UTS2: variants seen among roughly 807,000 people sequenced by gnomAD.
UTS2 encodes urotensin-2.
UTS2 carries 10 observed loss-of-function variants against 12.6 expected under a neutral mutation model. That is an observed-to-expected ratio of 0.80 (90% CI 0.49 to 1.35). The LOEUF (loss-of-function observed/expected upper bound fraction) is 1.35. UTS2 is among the 40% of genes most tolerant of loss of function. The pLI, the probability that UTS2 is intolerant of heterozygous loss-of-function variation, is 0.00. For synonymous variants in UTS2, 52 were observed against 50.0 expected (o/e 1.04, Z -0.17); for missense variants, 142 against 143.2 (o/e 0.99, Z 0.04).
chr1:7,891,522 T>A, the UTS2 span, among the ~76,000 whole-genome samples: 1 of 85,122 alleles, frequency 1.2e-5, no homozygotes, highest in African/African-American at 4.7e-5. Context: ...CCAGACTCGA[T>A]CTAAGAAAGA....
the UTS2 span, among the ~76,000 whole-genome samples, chr1:7,900,898 T>G: frequency 1.3e-5 from 2 of 152,192 alleles, no homozygotes; most frequent in Non-Finnish European, 2.9e-5. Context: ...AACCACTTTC[T>G]TCTATTCTCT....
the UTS2 span, among the ~76,000 whole-genome samples, chr1:7,895,574 T>C: frequency 6.6e-6 from 1 of 152,062 alleles, no homozygotes; most frequent in African/African-American, 2.4e-5. Flanking sequence ...AATCAGTAAA[T>C]TGTCAATTAT....
chr1:7,851,124 C>T (rs2097413646), intron 1 of UTS2, among the ~76,000 whole-genome samples: 1 of 152,184 alleles, frequency 6.6e-6, no homozygotes, highest in Non-Finnish European at 1.5e-5. Flanking sequence ...GAATGGGAAG[C>T]CGGGAGACGT....
the UTS2 span, among the ~76,000 whole-genome samples, chr1:7,906,475 G>GAAAGA: frequency 8.2e-6 from 1 of 121,288 alleles, no homozygotes; most frequent in Middle Eastern, 3.9e-3. Flanking sequence ...AAGAAAGAAA[G>GAAAGA]AAAGAAAGAA....
At chr1:7,872,299 C>CAAAGAAAAAAAAAAAAAAAAAAA in the UTS2 span, among the ~76,000 whole-genome samples, 1 of 65,886 alleles carries the variant, frequency 1.5e-5, no homozygotes, top group African/African-American at 5.7e-5. Flanking sequence ...GACTCTGTCT[C>CAAAGAAAAAAAAAAAAAAAAAAA]AAAAAAAAAA....
chr1:7,855,444 C>T (rs988804566), upstream of UTS2, among the ~76,000 whole-genome samples: 3 of 152,056 alleles, frequency 2.0e-5, no homozygotes, highest in East Asian at 1.9e-4. Context: ...ATTAGCCAGG[C>T]GTGGTGGCGG....
At chr1:7,855,155 CCTT>C (rs1306219924), upstream of UTS2, among the ~76,000 whole-genome samples, 4 of 151,840 alleles carry the variant, frequency 2.6e-5, no homozygotes, top group Non-Finnish European at 4.4e-5. Context: ...GAGCAAAACT[CCTT>C]CTCAAAACAA....
the UTS2 span, among the ~76,000 whole-genome samples, chr1:7,909,923 A>G: frequency 3.9e-5 from 6 of 152,022 alleles, no homozygotes; most frequent in African/African-American, 1.4e-4. Context: ...CTTAAACAGC[A>G]CTCTTGTGCC....
the UTS2 span, among the ~76,000 whole-genome samples, chr1:7,868,559 C>T: frequency 1.4e-4 from 22 of 152,184 alleles, no homozygotes; most frequent in Non-Finnish European, 2.6e-4. Context: ...CAGACACAAC[C>T]ACCACAGTCC....
At position 7,852,977 on chromosome 1, in the gene UTS2, C is replaced by G. The variant is rs571993597; in HGVS notation, c.27G>C (p.Leu9Phe). The G allele has an allele frequency of 3.1e-6, 5 of 1,613,424 alleles. No homozygotes were observed. The African/African-American group carries it at 5.3e-5, about 17-fold the overall frequency. Residue 9 changes from leucine to phenylalanine, a missense_variant, in exon 1 of 4, where the codon TTG becomes TTC. Coordinates refer to ENST00000361696, the MANE Select transcript of UTS2 (RefSeq NM_006786.4). ...GAGGATTTAAGAATCCTATGAAAAG[C>G]AAACAGCAGGAGGCCAGCTTATACA... is the stretch of plus-strand genomic sequence containing the variant. MYKLASCC[L>F]LFIGFLNPLL...
chr1:7,884,719 T>C, the UTS2 span, among the ~76,000 whole-genome samples: 3 of 152,088 alleles, frequency 2.0e-5, no homozygotes, highest in African/African-American at 7.2e-5. Flanking sequence ...TCACTCATTA[T>C]CCACAACCCA....
the UTS2 span, among the ~76,000 whole-genome samples, chr1:7,887,040 CAAAAAAAAAAAAA>C: frequency 2.6e-4 from 9 of 34,724 alleles, no homozygotes; most frequent in East Asian, 8.8e-4. Flanking sequence ...GACTCCGTCT[CAAAAAAAAAAAAA>C]AAAAAAAAAA....
the UTS2 span, among the ~76,000 whole-genome samples, chr1:7,897,883 G>A: frequency 3.3e-5 from 5 of 152,102 alleles, no homozygotes; most frequent in South Asian, 4.1e-4. Flanking sequence ...CACCGTGCCC[G>A]ACCATGTTTC....
At chr1:7,906,739 G>A in the UTS2 span, among the ~76,000 whole-genome samples, 1 of 152,166 alleles carries the variant, frequency 6.6e-6, no homozygotes, top group African/African-American at 2.4e-5. Context: ...ATGGATGCCG[G>A]TACCAACCCA....
At chr1:7,870,080 C>T in the UTS2 span, among the ~76,000 whole-genome samples, 1 of 152,190 alleles carries the variant, frequency 6.6e-6, no homozygotes, top group Non-Finnish European at 1.5e-5. Flanking sequence ...TTCTCTTTAA[C>T]TCATAAATAA....
the UTS2 span, among the ~76,000 whole-genome samples, chr1:7,892,434 C>T: frequency 6.7e-6 from 1 of 149,406 alleles, no homozygotes; most frequent in Admixed American, 6.7e-5. Flanking sequence ...CTTCAAGTCT[C>T]TCTCTGACTC....
At chr1:7,874,866 A>G in the UTS2 span, among the ~76,000 whole-genome samples, 45 of 152,110 alleles carry the variant, frequency 3.0e-4, no homozygotes, top group Non-Finnish European at 2.6e-4. Context: ...TGATGGTTTT[A>G]TAAGTGTTTG....
chr1:7,857,351 C>A (rs1638335292), upstream of UTS2, among the ~76,000 whole-genome samples: 3 of 151,862 alleles, frequency 2.0e-5, no homozygotes, highest in Admixed American at 2.0e-4. Flanking sequence ...GGCCTCAATG[C>A]CCTAAATAAG....
the UTS2 span, among the ~76,000 whole-genome samples, chr1:7,908,622 T>G: frequency 6.6e-6 from 1 of 151,978 alleles, no homozygotes; most frequent in Admixed American, 6.6e-5. Context: ...ATTTAGAAAT[T>G]TTGTGGCTCT....
Sources: gnomAD v4.1 joint callset for allele counts (sites outside exome capture counted in the v4.1 genomes callset) on GRCh38, gnomAD v4.1.1 for gene constraint, MANE v1.5 for transcripts, NCBI Gene and HGNC (gene_info 2026-07-23, HGNC 2026-07-21) for gene names.